ACAA2: variants seen among roughly 807,000 people sequenced by gnomAD.
The protein encoded by ACAA2 is 3-ketoacyl-CoA thiolase, mitochondrial.
Under a neutral mutation model 44.8 loss-of-function variants are expected in ACAA2, and 35 were observed. The observed-to-expected ratio is 0.78, with a 90% CI of 0.60 to 1.04. The LOEUF (loss-of-function observed/expected upper bound fraction) is 1.04. ACAA2 is among the 50% of genes least tolerant of loss of function. ACAA2 has a pLI of 0.00. For missense variants in ACAA2, 468 were observed against 482.6 expected (o/e 0.97, Z 0.28); for synonymous variants, 142 against 166.5 (o/e 0.85, Z 1.13).
chr18:49,810,140 A>C (rs2023652755), intron 1 of ACAA2, among the ~76,000 whole-genome samples: 1 of 152,226 alleles, frequency 6.6e-6, no homozygotes, highest in South Asian at 2.1e-4. Flanking sequence ...AATGGATTTA[A>C]AAAAACATTT....
In ACAA2 at chr18:49,792,140, G is replaced by A. The variant is rs1392861740; in HGVS notation, c.753+12C>T. 1 of 1,608,474 alleles carries A rather than the reference G, an allele frequency of 6.2e-7. No homozygotes were observed. The highest frequency in any genetic ancestry group is 2.2e-5 in the East Asian group (1 of 44,828). On this transcript the variant is annotated intron_variant, in intron 6 of 9. Transcript: ENST00000285093. ...AGGAAGAATTCAAGCTAATCTGTGTGGTGATACCAACCGATGCATTCCCTG... is the reference window on the plus strand; with the variant it reads ...AGGAAGAATTCAAGCTAATCTGTGTAGTGATACCAACCGATGCATTCCCTG...
chr18:49,800,164 T>A (rs62100241), intron 2 of ACAA2, among the ~76,000 whole-genome samples: 1 of 25,360 alleles, frequency 3.9e-5, no homozygotes. Flanking sequence ...CCACCCCGTC[T>A]GGGAGGGAGG....
intron 9 of ACAA2, 33 bp downstream of exon 9, chr18:49,785,164 C>CAAATCTGAAATGCAGCTATT: frequency 6.3e-7 from 1 of 1,597,894 alleles, no homozygotes. Context: ...TAAAAAACAG[C>CAAATCTGAAATGCAGCTATT]AAATCTGAAA....
In ACAA2 at chr18:49,783,839, T is replaced by A. The variant is rs755919369; in HGVS notation, c.*8A>T. On this transcript the variant is annotated 3_prime_UTR_variant, in exon 10 of 10. Coordinates refer to ENST00000285093, the MANE Select transcript of ACAA2 (RefSeq NM_006111.3). ...TAAGGATGGGTCACAGTGAGCTCAC[T>A]GGTCTCTTCAGGCTGTGCTCTGAAT... The A allele has an allele frequency of 3.1e-6, 5 of 1,611,524 alleles. No homozygotes were observed. The East Asian group carries it at 8.9e-5, about 29-fold the overall frequency.
At position 49,802,719 on chromosome 18, in the gene ACAA2, C is replaced by A. The variant is rs776608192; in HGVS notation, c.151G>T (p.Val51Phe). 2 of 1,614,180 alleles carry A rather than the reference C, an allele frequency of 1.2e-6. No individual in the cohort carries two copies. Among genetic ancestry groups the A allele is most frequent in the East Asian group, 4.5e-5 (2 of 44,886 alleles). ...ACATTGCCCATAATCACACTGTCAA[C>A]TGTTTCAGGTGAGACTTTGCCAGCA... is the stretch of plus-strand genomic sequence containing the variant. ...LSAGKVSPET[V>F]DSVIMGNVLQ... is the part of the protein sequence containing the mutation. Residue 51 changes from valine to phenylalanine, a missense_variant, in exon 2 of 10, where the codon GTT (valine) becomes TTT (phenylalanine). Physicochemically the swap from Val to Phe is conservative, Grantham distance 50. Transcript: ENST00000285093.
intron 2 of ACAA2, among the ~76,000 whole-genome samples, chr18:49,800,622 T>C (rs2023535926): frequency 1.3e-5 from 2 of 152,210 alleles, no homozygotes; most frequent in Admixed American, 6.5e-5. Flanking sequence ...CTCTGAAACA[T>C]GTGCTGTGTC....
intron 4 of ACAA2, among the ~76,000 whole-genome samples, chr18:49,794,768 A>G (rs1281724183): frequency 6.6e-6 from 1 of 152,194 alleles, no homozygotes; most frequent in African/African-American, 2.4e-5. Context: ...AAACCTGACA[A>G]TGAGTCTTCA....
chr18:49,783,884 C>T lies in ACAA2; in HGVS notation c.1157G>A (p.Gly386Asp), dbSNP rs1436497634. The T allele has an allele frequency of 6.2e-7, 1 of 1,613,836 alleles. No homozygotes were observed. Among genetic ancestry groups the T allele is most frequent in the Non-Finnish European group, 8.5e-7 (1 of 1,179,970 alleles). Reference protein sequence around the residue: ...YAVGSACIGGGQGIAVIIQST... With the variant: ...YAVGSACIGGDQGIAVIIQST... ...CTGAATGATGACAGCAATACCTTGG[C>T]CACCTCCAATGCAAGCTGATCCAAC... Residue 386 changes from glycine (G) to aspartate (D), a missense_variant, in exon 10 of 10, where the codon GGC becomes GAC. Coordinates refer to ENST00000285093, the MANE Select transcript of ACAA2 (RefSeq NM_006111.3).
rs542325706 is a variant in ACAA2 at position 49,792,727 on chromosome 18, T to C, written c.578-400A>G. ...TCCCAAAGTGCTGGGATTACAGATATGAGCCACCACGCTCAGCCTGAGTCT... is the reference window on the plus strand; with the variant it reads ...TCCCAAAGTGCTGGGATTACAGATACGAGCCACCACGCTCAGCCTGAGTCT... On this transcript the variant is annotated intron_variant, in intron 5 of 9. Coordinates refer to ENST00000285093, the MANE Select transcript of ACAA2 (RefSeq NM_006111.3). 9.2e-5 allele frequency among the ~76,000 whole-genome samples: 14 copies of C among 152,324 alleles called. No homozygotes were observed. The South Asian group carries it at 2.7e-3, about 29-fold the overall frequency.
intron 3 of ACAA2, among the ~76,000 whole-genome samples, chr18:49,796,970 A>G (rs1347085027): frequency 1.3e-5 from 2 of 151,522 alleles, no homozygotes; most frequent in South Asian, 2.1e-4. Context: ...ATTGAAGTAT[A>G]TATATATATA....
intron 3 of ACAA2, among the ~76,000 whole-genome samples, 186 bp downstream of exon 3, chr18:49,797,280 C>CT (rs1191296701): frequency 1.2e-4 from 12 of 104,208 alleles, no homozygotes; most frequent in African/African-American, 2.2e-4. Context: ...TTTTTTTTTT[C>CT]TTTTTTTTGG....
In ACAA2 at chr18:49,791,537, G is replaced by A. The variant is rs2023399334; in HGVS notation, c.816C>T (p.Asn272=). The A allele has an allele frequency of 6.2e-7, 1 of 1,612,986 alleles. No homozygotes were observed. Among genetic ancestry groups the A allele is most frequent in the Middle Eastern group, 1.9e-4 (1 of 5,296 alleles). The change falls in exon 7 of 10, where the codon AAC becomes AAT. Residue 272 remains asparagine, a synonymous_variant. Transcript: ENST00000285093. The part of the protein sequence containing the change: ...IASEDAVKKH[N]FTPLARIVGY... ...CCACAATTCTTGCCAGTGGTGTGAA[G>A]TTATGTTTCTTAACAGCATCTTCAC...
intron 2 of ACAA2, among the ~76,000 whole-genome samples, chr18:49,799,638 C>A (rs1242519687): frequency 6.6e-6 from 1 of 152,006 alleles, no homozygotes; most frequent in African/African-American, 2.4e-5. Context: ...GGCTGCCACC[C>A]CGTCTGGGAA....
At chr18:49,799,868 C>CCCCGTCCGG (rs2023517345) in intron 2 of ACAA2, among the ~76,000 whole-genome samples, 1 of 16,634 alleles carries the variant, frequency 6.0e-5, no homozygotes, top group Non-Finnish European at 1.1e-4. Context: ...TGCCCGGCCG[C>CCCCGTCCGG]GACCCCATCT....
chr18:49,806,367 G>A (rs556878614), intron 1 of ACAA2, among the ~76,000 whole-genome samples: 2 of 152,310 alleles, frequency 1.3e-5, no homozygotes, highest in Admixed American at 1.3e-4. Context: ...CCATTCATGT[G>A]TAGGTCAGAC....
chr18:49,785,777 C>CAGTT lies in ACAA2; in HGVS notation c.955-430_955-427dup, dbSNP rs565854027. 6.1e-3 allele frequency: 1,079 copies of CAGTT among 177,050 alleles called. 5 individuals are homozygous for CAGTT. The highest frequency in any genetic ancestry group is 9.3e-3 in the Non-Finnish European group (795 of 85,398). The allele number at this position is 177,050 out of a possible 1,614,324, so 11.0% of individuals were successfully genotyped here. A position where few individuals can be genotyped will look rare whatever the true frequency, so the allele number is the denominator to read the frequency against. On this transcript the variant is annotated intron_variant, in intron 8 of 9. Transcript: ENST00000285093. ...GGTATCATGCTAAGAGTCACTGTCA[C>CAGTT]AGTTAGATAAAATCATGAGTATTAA...
intron 1 of ACAA2, among the ~76,000 whole-genome samples, chr18:49,804,448 G>GT (rs1176599911): frequency 2.0e-5 from 3 of 152,078 alleles, no homozygotes; most frequent in Non-Finnish European, 2.9e-5. Flanking sequence ...TTCTACATGT[G>GT]TATCCCCCAC....
At chr18:49,797,847 T>C (rs2023483174) in intron 2 of ACAA2, among the ~76,000 whole-genome samples, 1 of 152,222 alleles carries the variant, frequency 6.6e-6, no homozygotes, top group Non-Finnish European at 1.5e-5. Context: ...TGTATCATTG[T>C]AACCATTTTT....
chr18:49,801,386 G>A (rs1230001708), intron 2 of ACAA2, among the ~76,000 whole-genome samples: 1 of 152,004 alleles, frequency 6.6e-6, no homozygotes, highest in Non-Finnish European at 1.5e-5. Flanking sequence ...AATACATGCT[G>A]GGAAAAAAAT....
Sources: gnomAD v4.1 joint callset for allele counts (sites outside exome capture counted in the v4.1 genomes callset) on GRCh38, gnomAD v4.1.1 for gene constraint, MANE v1.5 for transcripts, NCBI Gene and HGNC (gene_info 2026-07-23, HGNC 2026-07-21) for gene names.